ASIC2: variants seen among roughly 807,000 people sequenced by gnomAD.
ASIC2 encodes acid sensing ion channel subunit 2.
In ASIC2, 25 loss-of-function variants were observed where a neutral mutation model predicts 57.3. The ratio of observed to expected loss-of-function variants is 0.44; its 90% CI spans 0.32 to 0.61. The LOEUF (loss-of-function observed/expected upper bound fraction) is 0.61. ASIC2 is among the 20% of genes least tolerant of loss of function. The probability of loss-of-function intolerance (pLI) is 0.06; values close to 1 mark genes in which losing one functional copy is unlikely to be tolerated. For missense variants in ASIC2, 641 were observed against 738.1 expected (o/e 0.87, Z 1.52); for synonymous variants, 319 against 307.5 (o/e 1.04, Z -0.39).
chr17:33,540,393 G>A (rs1350552963), intron 1 of ASIC2, among the ~76,000 whole-genome samples: 2 of 152,066 alleles, frequency 1.3e-5, no homozygotes, highest in Admixed American at 1.3e-4. Context: ...GTAGGAGTTA[G>A]GACTTCAATA....
intron 1 of ASIC2, among the ~76,000 whole-genome samples, chr17:33,733,765 C>G (rs561222715): frequency 3.9e-5 from 6 of 152,318 alleles, no homozygotes; most frequent in African/African-American, 1.2e-4. Flanking sequence ...TGGACCATCA[C>G]AGTAGTTACC....
At chr17:33,297,634 G>A (rs1456763471), upstream of ASIC2, among the ~76,000 whole-genome samples, 2 of 151,938 alleles carry the variant, frequency 1.3e-5, no homozygotes, top group Admixed American at 6.6e-5. Context: ...ACCAGCCTGG[G>A]CAACATGGCA....
At chr17:33,639,083 G>C (rs1796403006) in intron 1 of ASIC2, among the ~76,000 whole-genome samples, 1 of 151,764 alleles carries the variant, frequency 6.6e-6, no homozygotes, top group Admixed American at 6.6e-5. Context: ...GTGAAGAGGA[G>C]ATACCATGGG....
intron 1 of ASIC2, among the ~76,000 whole-genome samples, chr17:33,423,149 GACTC>G (rs1415081429): frequency 2.0e-5 from 3 of 152,192 alleles, no homozygotes; most frequent in Admixed American, 6.5e-5. Flanking sequence ...CCATACATTA[GACTC>G]ACTTAAAAAT....
At chr17:33,414,340 G>T (rs964243581) in intron 1 of ASIC2, among the ~76,000 whole-genome samples, 2 of 152,190 alleles carry the variant, frequency 1.3e-5, no homozygotes, top group African/African-American at 4.8e-5. Flanking sequence ...TGCAGCGATG[G>T]TCTGGGTGTG....
intron 1 of ASIC2, among the ~76,000 whole-genome samples, chr17:33,694,874 T>C (rs995350679): frequency 6.6e-6 from 1 of 152,142 alleles, no homozygotes; most frequent in Non-Finnish European, 1.5e-5. Flanking sequence ...CTCCGTGTCT[T>C]CTCTTCTCCT....
chr17:33,106,507 C>T (rs955195668), intron 2 of ASIC2, among the ~76,000 whole-genome samples: 2 of 152,190 alleles, frequency 1.3e-5, no homozygotes, highest in African/African-American at 2.4e-5. Context: ...TCCCTGTACA[C>T]GGATTCCGGT....
chr17:33,929,276 G>T (rs192035795), intron 1 of ASIC2, among the ~76,000 whole-genome samples: 4 of 151,984 alleles, frequency 2.6e-5, no homozygotes, highest in Non-Finnish European at 4.4e-5. Flanking sequence ...GCCCCCGACC[G>T]AGCTGTTTAC....
At chr17:33,960,519 T>G (rs1210373248) in intron 1 of ASIC2, among the ~76,000 whole-genome samples, 2 of 152,146 alleles carry the variant, frequency 1.3e-5, no homozygotes, top group Non-Finnish European at 2.9e-5. Context: ...TTAAAACTCT[T>G]CAAAAGTTTC....
chr17:33,452,745 G>GTGTGTGTGTGTGTA (rs1283165808), intron 1 of ASIC2, among the ~76,000 whole-genome samples: 2 of 150,380 alleles, frequency 1.3e-5, no homozygotes, highest in African/African-American at 4.9e-5. Flanking sequence ...TGGGGTGTGT[G>GTGTGTGTGTGTGTA]TGTGTGTGTG....
intron 1 of ASIC2, among the ~76,000 whole-genome samples, chr17:33,864,059 A>ATGCCC (rs1914170091): frequency 6.6e-6 from 1 of 151,514 alleles, no homozygotes; most frequent in South Asian, 2.1e-4. Context: ...AAGCACTATT[A>ATGCCC]TGCCCTGCTA....
chr17:33,790,499 T>TA (rs1267097155), intron 1 of ASIC2, among the ~76,000 whole-genome samples: 2 of 152,256 alleles, frequency 1.3e-5, no homozygotes, highest in Non-Finnish European at 2.9e-5. Flanking sequence ...TTAGCTATTT[T>TA]AAAATTTGCA....
intron 2 of ASIC2, among the ~76,000 whole-genome samples, chr17:33,102,607 A>G (rs1331562038): frequency 3.3e-5 from 5 of 152,100 alleles, no homozygotes; most frequent in African/African-American, 1.2e-4. Flanking sequence ...ACTCCTAGTA[A>G]TAGGATGTTC....
intron 2 of ASIC2, among the ~76,000 whole-genome samples, chr17:33,094,230 G>C (rs969419473): frequency 6.6e-6 from 1 of 152,152 alleles, no homozygotes; most frequent in South Asian, 2.1e-4. Flanking sequence ...GGAGAGAGGA[G>C]AGTCAAGCTG....
chr17:33,902,710 A>C (rs916925891), intron 1 of ASIC2, among the ~76,000 whole-genome samples: 3 of 152,224 alleles, frequency 2.0e-5, no homozygotes, highest in Non-Finnish European at 4.4e-5. Flanking sequence ...TATGGGTATC[A>C]GATTTCCAAC....
At chr17:33,920,244 G>A (rs1915679936) in intron 1 of ASIC2, among the ~76,000 whole-genome samples, 1 of 152,124 alleles carries the variant, frequency 6.6e-6, no homozygotes, top group Non-Finnish European at 1.5e-5. Context: ...CTACCAAAAA[G>A]ACACATGCAC....
At chr17:33,327,969 A>G (rs1907144362) in intron 1 of ASIC2, among the ~76,000 whole-genome samples, 1 of 152,250 alleles carries the variant, frequency 6.6e-6, no homozygotes, top group African/African-American at 2.4e-5. Flanking sequence ...ACTCCAAGCC[A>G]AAGAAGACTG....
At chr17:33,529,417 G>A (rs8076298) in intron 1 of ASIC2, among the ~76,000 whole-genome samples, 4 of 152,140 alleles carry the variant, frequency 2.6e-5, no homozygotes, top group Admixed American at 6.5e-5. Flanking sequence ...CTGGGCCAGC[G>A]GCATCAGCAT....
At position 34,095,217 on chromosome 17, in the gene ASIC2, T is replaced by C. The variant is rs144045783; in HGVS notation, c.555+60761A>G. On this transcript the variant is annotated intron_variant, in intron 1 of 9. Transcript: ENST00000359872. ...CCATCAGAGGGTAGGGGATAAAATG[T>C]GGCCAGGTGAACAGAGCTCTGGAGC... 7.4e-4 allele frequency among the ~76,000 whole-genome samples: 112 copies of C among 152,286 alleles called. No individual in the cohort carries two copies. The East Asian group carries it at 0.021, about 28-fold the overall frequency.
Sources: allele counts gnomAD v4.1 joint callset (sites outside exome capture counted in the v4.1 genomes callset), GRCh38; gene constraint gnomAD v4.1.1; transcripts MANE v1.5; gene names NCBI Gene and HGNC (gene_info 2026-07-23, HGNC 2026-07-21).